The following KLF13 variants were observed in gnomAD, a reference collection of about 807,000 sequenced individuals.
KLF13 encodes KLF transcription factor 13.
A neutral mutation model predicts 16.7 loss-of-function variants in KLF13; 8 were observed. The ratio of observed to expected loss-of-function variants is 0.48; its 90% CI spans 0.28 to 0.87. The LOEUF is 0.87. Ranked by LOEUF, KLF13 falls within the 40% of genes least tolerant of loss-of-function variation. KLF13 has a pLI of 0.10. For missense variants in KLF13, 447 were observed against 452.2 expected, an observed-to-expected ratio of 0.99 and a Z score of 0.10; for synonymous variants, 245 against 208.4, an observed-to-expected ratio of 1.18 and a Z score of -1.51.
upstream of KLF13, among the ~76,000 whole-genome samples, chr15:31,389,048 G>C (rs1300096559): frequency 6.6e-6 from 1 of 152,046 alleles, no homozygotes; most frequent in Admixed American, 6.6e-5. Context: ...TTTGAACTGC[G>C]TGGGTCCACT....
At chr15:31,413,283 G>C (rs982701177) in intron 1 of KLF13, among the ~76,000 whole-genome samples, 3 of 151,348 alleles carry the variant, frequency 2.0e-5, no homozygotes, top group Non-Finnish European at 4.4e-5. Flanking sequence ...GTACCAGAAG[G>C]AGAGGAGAGA....
At chr15:31,420,346 G>T (rs879196426) in intron 1 of KLF13, 11 of 1,075,526 alleles carry the variant, frequency 1.0e-5, no homozygotes, top group Non-Finnish European at 1.5e-5. Flanking sequence ...CTGGCACAGT[G>T]TATGAAGACC....
chr15:31,327,975 T>G (rs1177184108), intron 1 of KLF13, among the ~76,000 whole-genome samples, 186 bp downstream of exon 1: 1 of 147,030 alleles, frequency 6.8e-6, no homozygotes, highest in Admixed American at 6.7e-5. Flanking sequence ...AGGCGGGTCT[T>G]GGCTCTCGGA....
intron 2 of KLF13, among the ~76,000 whole-genome samples, chr15:31,401,247 A>C (rs2040032541): frequency 6.6e-6 from 1 of 152,140 alleles, no homozygotes; most frequent in Non-Finnish European, 1.5e-5. Flanking sequence ...TGATCCACCC[A>C]CCTCAGCCTC....
At chr15:31,404,920 G>A (rs1339918605), downstream of KLF13, among the ~76,000 whole-genome samples, 2 of 152,186 alleles carry the variant, frequency 1.3e-5, no homozygotes, top group African/African-American at 2.4e-5. Flanking sequence ...TATGGATGGA[G>A]AGAACAGTGG....
At chr15:31,404,908 G>C (rs143466178), downstream of KLF13, among the ~76,000 whole-genome samples, 1 of 152,128 alleles carries the variant, frequency 6.6e-6, no homozygotes, top group Non-Finnish European at 1.5e-5. Context: ...TTCACTCAGG[G>C]GTATGGATGG....
intron 1 of KLF13, among the ~76,000 whole-genome samples, chr15:31,347,981 T>A (rs1442044865): frequency 6.6e-6 from 1 of 152,236 alleles, no homozygotes; most frequent in Admixed American, 6.5e-5. Context: ...CTTCAGTGTC[T>A]CCAGCCTGGC....
chr15:31,340,179 G>C (rs1595456519), intron 1 of KLF13, among the ~76,000 whole-genome samples: 1 of 152,332 alleles, frequency 6.6e-6, no homozygotes, highest in East Asian at 1.9e-4. Flanking sequence ...GTACCCAGTT[G>C]GGCTGGGCTG....
At chr15:31,389,859 G>A (rs1257599524), upstream of KLF13, among the ~76,000 whole-genome samples, 1 of 152,084 alleles carries the variant, frequency 6.6e-6, no homozygotes, top group African/African-American at 2.4e-5. Context: ...TTCTCTATGG[G>A]CCTAAAGTCA....
rs1566848059 is a variant in KLF13, at chr15:31,423,100, C to CGTATAT, written n.118-12265_118-12264insTGTATA. ...AATTACATATATATACGTATATATA[C>CGTATAT]GTATACGTATACGTATATATACGTA... On this transcript the variant is annotated intron_variant and non_coding_transcript_variant, in intron 1 of 1. Coordinates refer to the KLF13 transcript ENST00000558225. Among the ~76,000 whole-genome samples, 224 of 58,692 alleles carry CGTATAT rather than the reference C, an allele frequency of 3.8e-3. 71 individuals are homozygous for CGTATAT. The highest frequency in any genetic ancestry group is 0.011 in the African/African-American group (187 of 16,492). 38.5% of individuals were successfully genotyped at this position (58,692 alleles called of 152,430 possible).
chr15:31,371,257 T>C (rs1595479608), intron 1 of KLF13, among the ~76,000 whole-genome samples: 1 of 152,216 alleles, frequency 6.6e-6, no homozygotes, highest in Non-Finnish European at 1.5e-5. Context: ...ATCCTGACCG[T>C]AGCCAACCTT....
Position 31,356,149 on chromosome 15 carries a change from G to A in KLF13, c.578-15861G>A, listed in dbSNP as rs181591010. Among the ~76,000 whole-genome samples, 24 of 152,288 alleles carry A rather than the reference G, an allele frequency of 1.6e-4. No individual in the cohort carries two copies. The South Asian group carries it at 1.9e-3, about 12-fold the overall frequency. ...CACCCAGGTGATAAACATAGTACCC[G>A]ATAGGTAGTTTTTCAGTCTTTCACC... On this transcript the variant is annotated intron_variant, in intron 1 of 1. Coordinates refer to ENST00000307145, the MANE Select transcript of KLF13 (RefSeq NM_015995.4).
chr15:31,332,179 T>C (rs1448714424), intron 1 of KLF13, among the ~76,000 whole-genome samples: 1 of 152,168 alleles, frequency 6.6e-6, no homozygotes, highest in Non-Finnish European at 1.5e-5. Flanking sequence ...GGTTGATAAG[T>C]GTTGGTTAAA....
At chr15:31,409,730 T>C (rs1260182180) in intron 1 of KLF13, among the ~76,000 whole-genome samples, 13 of 152,182 alleles carry the variant, frequency 8.5e-5, no homozygotes, top group African/African-American at 1.4e-4. Flanking sequence ...TAAAGTGACA[T>C]GTTTAAACTA....
intron 2 of KLF13, among the ~76,000 whole-genome samples, chr15:31,402,386 G>T (rs1566838060): frequency 6.6e-6 from 1 of 152,228 alleles, no homozygotes; most frequent in African/African-American, 2.4e-5. Context: ...TGTGCTTGGG[G>T]CACCTCAGAT....
chr15:31,420,120 G>A, intron 1 of KLF13: 1 of 394,976 alleles, frequency 2.5e-6, no homozygotes, highest in South Asian at 2.3e-5. Flanking sequence ...GAAGGAGAAG[G>A]CAGCCAAGTG....
At chr15:31,357,912 T>C (rs1207056225) in intron 1 of KLF13, among the ~76,000 whole-genome samples, 2 of 152,188 alleles carry the variant, frequency 1.3e-5, no homozygotes, top group Admixed American at 6.5e-5. Flanking sequence ...AGATTATTTT[T>C]GTTACTCTCT....
chr15:31,423,109 ATACG>A lies in KLF13; in HGVS notation n.118-12258_118-12255del, dbSNP rs2040352255. Reference sequence around the variant, plus strand: ...TATATACGTATATATACGTATACGTATACGTATATATACGTATATATACGTATAC... The same window carrying A: ...TATATACGTATATATACGTATACGTATATATATACGTATATATACGTATAC... On this transcript the variant is annotated intron_variant and non_coding_transcript_variant, in intron 1 of 1. Transcript: ENST00000558225. 2.4e-5 allele frequency among the ~76,000 whole-genome samples: 3 copies of A among 124,550 alleles called. 1 individual carries two copies. The highest frequency in any genetic ancestry group is 4.8e-5 in the Non-Finnish European group (3 of 62,334). 81.7% of individuals were successfully genotyped at this position (124,550 alleles called of 152,430 possible).
rs140219402 is a variant in KLF13 at position 31,434,507 on chromosome 15, G to T, written n.118-863G>T. ...GGGGTGTGGAAAGGCTTGGAAAGCAGGAGAGGCTGTGGATGGAGGTGGGAG... is the reference window on the plus strand; with the variant it reads ...GGGGTGTGGAAAGGCTTGGAAAGCATGAGAGGCTGTGGATGGAGGTGGGAG... On this transcript the variant is annotated intron_variant and non_coding_transcript_variant, in intron 1 of 1. Transcript: ENST00000558225. Among the ~76,000 whole-genome samples, 227 of 152,292 alleles carry T rather than the reference G, an allele frequency of 1.5e-3. 1 individual carries two copies. The highest frequency in any genetic ancestry group is 5.1e-3 in the African/African-American group (212 of 41,554).
Sources: gnomAD v4.1 joint callset for allele counts (sites outside exome capture counted in the v4.1 genomes callset) on GRCh38, gnomAD v4.1.1 for gene constraint, MANE v1.5 for transcripts, NCBI Gene and HGNC (gene_info 2026-07-23, HGNC 2026-07-21) for gene names.